The following SORCS1 variants were observed in gnomAD, a reference collection of about 807,000 sequenced individuals.
SORCS1 encodes the protein sortilin related VPS10 domain containing receptor 1, also known as VPS10 domain-containing receptor SorCS1.
Under a neutral mutation model 146.1 loss-of-function variants are expected in SORCS1, and 60 were observed. That is an observed-to-expected ratio of 0.41 (90% CI 0.33 to 0.51). The LOEUF (loss-of-function observed/expected upper bound fraction) is 0.51. SORCS1 is among the 20% of genes least tolerant of loss of function. SORCS1 has a pLI of 0.21. For missense variants in SORCS1, 1,352 were observed against 1,487.6 expected (o/e 0.91, Z 1.50); for synonymous variants, 637 against 584.0 (o/e 1.09, Z -1.31).
At chr10:106,912,590 A>G (rs573244242) in intron 2 of SORCS1, among the ~76,000 whole-genome samples, 10 of 152,276 alleles carry the variant, frequency 6.6e-5, no homozygotes, top group African/African-American at 2.4e-4. Context: ...TTCTGCCCTG[A>G]TTGCAAAACA....
intron 6 of SORCS1, among the ~76,000 whole-genome samples, chr10:106,710,312 T>C (rs1854880354): frequency 6.6e-6 from 1 of 151,056 alleles, no homozygotes; most frequent in Non-Finnish European, 1.5e-5. Flanking sequence ...CTGGGCGCAG[T>C]GGCAGGCACG....
At chr10:106,735,107 G>A (rs964853294) in intron 5 of SORCS1, among the ~76,000 whole-genome samples, 2 of 145,286 alleles carry the variant, frequency 1.4e-5, no homozygotes, top group African/African-American at 2.6e-5. Flanking sequence ...GATCAAGCCA[G>A]TGCACTCCAG....
At chr10:106,843,611 A>G (rs1404738799) in intron 2 of SORCS1, among the ~76,000 whole-genome samples, 1 of 151,646 alleles carries the variant, frequency 6.6e-6, no homozygotes, top group Non-Finnish European at 1.5e-5. Context: ...CTGTTTTTGT[A>G]TTTTTAGTAG....
At chr10:106,662,448 A>G (rs1465798146) in intron 17 of SORCS1, among the ~76,000 whole-genome samples, 1 of 152,134 alleles carries the variant, frequency 6.6e-6, no homozygotes. Context: ...ATCATGAGCT[A>G]TGCTGTAAGA....
At chr10:106,906,377 G>T (rs920952449) in intron 2 of SORCS1, among the ~76,000 whole-genome samples, 9 of 152,198 alleles carry the variant, frequency 5.9e-5, no homozygotes, top group Non-Finnish European at 1.2e-4. Context: ...GCCTCCCAAA[G>T]TGCTGGGATT....
chr10:107,079,220 T>C (rs894259944), intron 1 of SORCS1, among the ~76,000 whole-genome samples: 17 of 148,492 alleles, frequency 1.1e-4, no homozygotes, highest in African/African-American at 4.0e-4. Context: ...AGCAAGACTC[T>C]GTCTCAAAAA....
intron 1 of SORCS1, among the ~76,000 whole-genome samples, chr10:106,967,395 T>A (rs1314312556): frequency 6.6e-6 from 1 of 152,138 alleles, no homozygotes; most frequent in Admixed American, 6.6e-5. Flanking sequence ...AATTAAATAT[T>A]TTTTCTAGAA....
upstream of SORCS1, among the ~76,000 whole-genome samples, chr10:107,164,970 G>GCGGGTCC (rs1970001285): frequency 6.6e-6 from 1 of 150,630 alleles, no homozygotes; most frequent in Non-Finnish European, 1.5e-5. This position sits in a 1 kb window ranked among gnomAD's most constrained non-coding sequence, Gnocchi z 6.8. Flanking sequence ...CCCCGCGGCC[G>GCGGGTCC]CGGGTCCCGG....
At chr10:107,125,868 T>G (rs538526642) in intron 1 of SORCS1, among the ~76,000 whole-genome samples, 1 of 152,304 alleles carries the variant, frequency 6.6e-6, no homozygotes, top group Non-Finnish European at 1.5e-5. Flanking sequence ...ACCACGATTG[T>G]ATTAAACCAT....
chr10:106,709,402 A>T, intron 6 of SORCS1, 61 bp from the exon 7 acceptor site: 1 of 1,043,964 alleles, frequency 9.6e-7, no homozygotes, highest in African/African-American at 1.6e-5. Context: ...ACAGAGATTT[A>T]CAGTCAGGGT....
At chr10:106,817,095 A>G (rs1057390739) in intron 3 of SORCS1, among the ~76,000 whole-genome samples, 3 of 152,250 alleles carry the variant, frequency 2.0e-5, no homozygotes, top group African/African-American at 7.2e-5. Context: ...ACACACACAA[A>G]CACACCACAT....
At chr10:106,602,544 CACACACAA>C (rs1554875450) in intron 23 of SORCS1, among the ~76,000 whole-genome samples, 1 of 151,342 alleles carries the variant, frequency 6.6e-6, no homozygotes, top group South Asian at 2.1e-4. Context: ...CACACACACA[CACACACAA>C]ACACACACAC....
chr10:106,589,385 C>T (rs1845457460), intron 24 of SORCS1, among the ~76,000 whole-genome samples: 1 of 152,122 alleles, frequency 6.6e-6, no homozygotes, highest in South Asian at 2.1e-4. Flanking sequence ...TCCTTCTCCC[C>T]ACCAAATATA....
chr10:106,641,302 C>A (rs187491009), intron 18 of SORCS1, among the ~76,000 whole-genome samples: 432 of 152,220 alleles, frequency 2.8e-3, no homozygotes, highest in Non-Finnish European at 4.9e-3. Context: ...AGGAAAGAAT[C>A]CCATTTCTTG....
At chr10:107,033,198 T>G (rs1408219767) in intron 1 of SORCS1, among the ~76,000 whole-genome samples, 20 of 152,014 alleles carry the variant, frequency 1.3e-4, no homozygotes, top group Admixed American at 1.3e-3. Context: ...AGAAGGGAAG[T>G]GCCACACACT....
chr10:106,620,870 A>G (rs566916815), intron 19 of SORCS1, among the ~76,000 whole-genome samples: 1 of 152,248 alleles, frequency 6.6e-6, no homozygotes, highest in Non-Finnish European at 1.5e-5. Context: ...TTGGGATTTC[A>G]CAAGGCAATG....
chr10:107,106,644 C>A (rs776587610), intron 1 of SORCS1, among the ~76,000 whole-genome samples: 1 of 152,096 alleles, frequency 6.6e-6, no homozygotes, highest in Non-Finnish European at 1.5e-5. Flanking sequence ...TCCTTTTTAA[C>A]CATATTTTCA....
At chr10:107,076,926 C>A (rs566501836) in intron 1 of SORCS1, among the ~76,000 whole-genome samples, 4 of 152,222 alleles carry the variant, frequency 2.6e-5, no homozygotes, top group African/African-American at 9.6e-5. Flanking sequence ...TATTTAACTC[C>A]TTTGCGAAAA....
intron 1 of SORCS1, among the ~76,000 whole-genome samples, chr10:107,062,564 C>A (rs972459009): frequency 1.3e-5 from 2 of 152,212 alleles, no homozygotes; most frequent in Non-Finnish European, 2.9e-5. Context: ...CCATAGCTAA[C>A]GATAATTAAT....
Sources: gnomAD v4.1 joint callset for allele counts (sites outside exome capture counted in the v4.1 genomes callset) on GRCh38, gnomAD v4.1.1 for gene constraint, Gnocchi (gnomAD v3.1) non-coding constraint, MANE v1.5 for transcripts, NCBI Gene and HGNC (gene_info 2026-07-23, HGNC 2026-07-21) for gene names.